DCBLD1: variants seen among roughly 807,000 people sequenced by gnomAD.
The protein encoded by DCBLD1 is discoidin, CUB and LCCL domain containing 1.
DCBLD1 carries 57 observed loss-of-function variants against 71.5 expected under a neutral mutation model. That is an observed-to-expected ratio of 0.80 (90% CI 0.64 to 0.99). The LOEUF (loss-of-function observed/expected upper bound fraction) is 0.99, where lower values mean the gene tolerates loss of function less well. Among genes scored for constraint, DCBLD1 ranks in the 50% least tolerant of loss-of-function variants. The probability of loss-of-function intolerance (pLI) is 0.00; values close to 1 mark genes in which losing one functional copy is unlikely to be tolerated. For synonymous variants in DCBLD1, 380 were observed against 363.8 expected (o/e 1.04, Z -0.51); for missense variants, 891 against 923.5 (o/e 0.96, Z 0.46).
At chr6:117,492,446 C>G (rs1454891499) in intron 1 of DCBLD1, among the ~76,000 whole-genome samples, 1 of 152,064 alleles carries the variant, frequency 6.6e-6, no homozygotes, top group African/African-American at 2.4e-5. Context: ...CCTTTGTCTC[C>G]AAGGATACCC....
chr6:117,539,597 AT>A (rs1779020541), intron 9 of DCBLD1: 1 of 368,554 alleles, frequency 2.7e-6, no homozygotes, highest in South Asian at 4.0e-5. Context: ...ACAAAAAAAA[AT>A]TTTTAATTAC....
chr6:117,539,067 T>C, intron 8 of DCBLD1, 188 bp from the exon 9 acceptor site: 2 of 692,266 alleles, frequency 2.9e-6, no homozygotes, highest in Non-Finnish European at 4.7e-6. Flanking sequence ...GTGAAATCTT[T>C]ATATGGTGTA....
At position 117,563,489 on chromosome 6, in the gene DCBLD1, A is replaced by C. The variant is rs1040581042; in HGVS notation, c.1616-6131A>C. 7.8e-6 allele frequency: 8 copies of C among 1,027,494 alleles called. No individual in the cohort carries two copies. The Admixed American group carries it at 1.4e-4, about 17-fold the overall frequency. 63.6% of individuals were successfully genotyped at this position (1,027,494 alleles called of 1,614,324 possible). On this transcript the variant is annotated intron_variant, in intron 14 of 14. Coordinates refer to the DCBLD1 transcript ENST00000296955. The stretch of plus-strand genomic sequence containing the variant: ...GTAATCCCAGCACTTTGAGAGGCCA[A>C]GGTGGGTGGATAACCTGAGGTTAGG...
At chr6:117,504,032 G>C (rs996439061) in intron 2 of DCBLD1, 53 bp downstream of exon 2, 83 of 1,584,268 alleles carry the variant, frequency 5.2e-5, no homozygotes, top group Non-Finnish European at 8.6e-6. Flanking sequence ...GATATTTGCA[G>C]AGAAGGGCAA....
At chr6:117,524,368 A>G (rs1778479930) in intron 4 of DCBLD1, among the ~76,000 whole-genome samples, 1 of 151,562 alleles carries the variant, frequency 6.6e-6, no homozygotes, top group African/African-American at 2.4e-5. Context: ...CACCGGGCTA[A>G]TTTTTTTGTA....
chr6:117,517,716 A>G (rs964152840), intron 2 of DCBLD1, among the ~76,000 whole-genome samples: 1 of 152,174 alleles, frequency 6.6e-6, no homozygotes, highest in Non-Finnish European at 1.5e-5. Flanking sequence ...AAGCTGCCAA[A>G]GCTTGGGGCT....
chr6:117,524,446 C>T lies in DCBLD1; in HGVS notation c.513-916C>T, dbSNP rs141573259. 8.2e-3 allele frequency among the ~76,000 whole-genome samples: 1,245 copies of T among 152,280 alleles called. 9 individuals carry two copies. The highest frequency in any genetic ancestry group is 0.028 in the African/African-American group (1,173 of 41,576). ...CTCAAACTCCAGACCTCAGGTTATCCACCCGCCTTGGCCTCCCAAAGTGCT... is the reference window on the plus strand; with the variant it reads ...CTCAAACTCCAGACCTCAGGTTATCTACCCGCCTTGGCCTCCCAAAGTGCT... On this transcript the variant is annotated intron_variant, in intron 4 of 14. Transcript: ENST00000338728.
chr6:117,513,314 A>C (rs574512577), intron 2 of DCBLD1, among the ~76,000 whole-genome samples: 1 of 152,170 alleles, frequency 6.6e-6, no homozygotes, highest in Non-Finnish European at 1.5e-5. Flanking sequence ...GAACTGACCT[A>C]CTGTGCTCAA....
intron 1 of DCBLD1, among the ~76,000 whole-genome samples, chr6:117,496,012 T>C (rs1211274204): frequency 1.3e-5 from 2 of 152,248 alleles, no homozygotes; most frequent in South Asian, 2.1e-4. Flanking sequence ...CACTTTTAGC[T>C]GATAGGAATG....
intron 2 of DCBLD1, among the ~76,000 whole-genome samples, chr6:117,516,504 A>C (rs1248397223): frequency 2.0e-5 from 3 of 152,194 alleles, no homozygotes. Flanking sequence ...GAGGGTAAGC[A>C]TATAGCATTT....
chr6:117,515,709 A>G (rs1050287836), intron 2 of DCBLD1, among the ~76,000 whole-genome samples: 4 of 152,222 alleles, frequency 2.6e-5, no homozygotes, highest in African/African-American at 9.6e-5. Context: ...ATAAAAATCC[A>G]TATTATTCAT....
intron 14 of DCBLD1, among the ~76,000 whole-genome samples, chr6:117,547,200 C>A (rs1295959506): frequency 6.6e-6 from 1 of 152,186 alleles, no homozygotes; most frequent in Non-Finnish European, 1.5e-5. Flanking sequence ...CCTAGCAAGA[C>A]AATCAATGCT....
Position 117,548,287 on chromosome 6 carries a change from G to T in DCBLD1, c.1996G>T (p.Asp666Tyr), listed in dbSNP as rs1181971894. The T allele has an allele frequency of 1.8e-5, 28 of 1,550,510 alleles. No homozygotes were observed. The highest frequency in any genetic ancestry group is 2.2e-5 in the Non-Finnish European group (25 of 1,146,998). Reference sequence around the variant, plus strand: ...CGCACAGCCTGCGGACAGGGGCTACGACCGGCCCAAAGCTGTCAGCGCCCT... The same window carrying T: ...CGCACAGCCTGCGGACAGGGGCTACTACCGGCCCAAAGCTGTCAGCGCCCT... ...HSAQPADRGY[D>Y]RPKAVSALAT... Residue 666 changes from aspartate (D) to tyrosine (Y), a missense_variant, in exon 15 of 15, where the codon GAC (aspartate) becomes TAC (tyrosine). Coordinates refer to ENST00000338728, the MANE Select transcript of DCBLD1 (RefSeq NM_001366458.2).
At chr6:117,542,291 C>G (rs899487980) in intron 11 of DCBLD1, among the ~76,000 whole-genome samples, 5 of 129,838 alleles carry the variant, frequency 3.9e-5, no homozygotes, top group African/African-American at 1.3e-4. Context: ...GACTCCATCT[C>G]TTAAAAAAAA....
intron 14 of DCBLD1, chr6:117,547,655 C>G: frequency 1.3e-6 from 1 of 752,142 alleles, no homozygotes; most frequent in South Asian, 1.5e-5. Context: ...GTCCCCATGC[C>G]CCAGGACGTC....
rs748928966 is a variant in DCBLD1, at chr6:117,567,217, C to T, written c.1616-2403C>T. ...TGAGGCCATCATGTCTGATCAGCCT[C>T]GTGAATCCTCTCTACAGTTCCTTTA... On this transcript the variant is annotated intron_variant, in intron 14 of 14. Coordinates refer to the DCBLD1 transcript ENST00000296955. 4.6e-5 allele frequency among the ~76,000 whole-genome samples: 7 copies of T among 152,134 alleles called. No homozygotes were observed. The South Asian group carries it at 8.3e-4, about 18-fold the overall frequency.
chr6:117,542,096 C>T (rs1366359828), intron 11 of DCBLD1, among the ~76,000 whole-genome samples: 1 of 152,008 alleles, frequency 6.6e-6, no homozygotes, highest in Admixed American at 6.6e-5. Context: ...AGTCCGAGAC[C>T]AGCCCGGGCA....
chr6:117,534,504 G>T (rs1167102281), intron 6 of DCBLD1, among the ~76,000 whole-genome samples: 2 of 152,120 alleles, frequency 1.3e-5, no homozygotes. Flanking sequence ...TTTGTCAGGT[G>T]CTACCACCTC....
intron 14 of DCBLD1, chr6:117,562,471 G>A (rs541077004): frequency 1.7e-4 from 34 of 203,350 alleles, no homozygotes; most frequent in African/African-American, 6.2e-4. Context: ...AAGCATTTGA[G>A]GCTCAACATG....
Sources: allele counts gnomAD v4.1 joint callset (sites outside exome capture counted in the v4.1 genomes callset), GRCh38; gene constraint gnomAD v4.1.1; transcripts MANE v1.5; gene names NCBI Gene and HGNC (gene_info 2026-07-23, HGNC 2026-07-21).